Variants in PPP1R16B observed in about 807,000 individuals in gnomAD.
PPP1R16B encodes the protein protein phosphatase 1 regulatory inhibitor subunit 16B.
Under a neutral mutation model 61.7 loss-of-function variants are expected in PPP1R16B, and 14 were observed. The ratio of observed to expected loss-of-function variants is 0.23; its 90% CI spans 0.15 to 0.35. The LOEUF (loss-of-function observed/expected upper bound fraction) is 0.35, where lower values mean the gene tolerates loss of function less well. Among genes scored for constraint, PPP1R16B ranks in the 10% least tolerant of loss-of-function variants. The pLI, the probability that PPP1R16B is intolerant of heterozygous loss-of-function variation, is 1.00. For missense variants in PPP1R16B, 547 were observed against 752.5 expected, an observed-to-expected ratio of 0.73 and a Z score of 3.19; for synonymous variants, 266 against 305.3, an observed-to-expected ratio of 0.87 and a Z score of 1.34.
chr20:38,881,050 C>A (rs185066262), intron 2 of PPP1R16B, among the ~76,000 whole-genome samples: 1 of 152,262 alleles, frequency 6.6e-6, no homozygotes, highest in Non-Finnish European at 1.5e-5. Flanking sequence ...GCTCCTGGGA[C>A]CTGAGGCTTG....
chr20:38,821,641 C>T (rs971219064), intron 1 of PPP1R16B, among the ~76,000 whole-genome samples: 1 of 152,156 alleles, frequency 6.6e-6, no homozygotes, highest in East Asian at 1.9e-4. Flanking sequence ...AGAGACACCA[C>T]CCAAAGAGGT....
Position 38,902,827 on chromosome 20 carries a change from G to A in PPP1R16B, c.696+35G>A, listed in dbSNP as rs780168958. The A allele has an allele frequency of 1.9e-6, 3 of 1,613,372 alleles. No homozygotes were observed. In the Admixed American group the frequency reaches 5.0e-5, roughly 27 times the overall value. The stretch of plus-strand genomic sequence containing the variant: ...TGGGCCAGTACCAAAACCAAGACCA[G>A]CTAGGTCCGAAGTGGGCCAGCACCT... On this transcript the variant is annotated intron_variant, in intron 6 of 10. Coordinates refer to ENST00000299824, the MANE Select transcript of PPP1R16B (RefSeq NM_015568.4).
chr20:38,827,453 C>A (rs1000029773), intron 1 of PPP1R16B, among the ~76,000 whole-genome samples: 1 of 152,230 alleles, frequency 6.6e-6, no homozygotes, highest in Non-Finnish European at 1.5e-5. Flanking sequence ...GCCTCCCCAA[C>A]ACACACAAAG....
chr20:38,869,098 T>G (rs1406444399), intron 2 of PPP1R16B, among the ~76,000 whole-genome samples: 1 of 152,154 alleles, frequency 6.6e-6, no homozygotes, highest in Non-Finnish European at 1.5e-5. Context: ...TAAAGGCTAT[T>G]TTTTTCCTTT....
In PPP1R16B at chr20:38,906,047, G is replaced by A; in HGVS notation, c.775G>A (p.Asp259Asn). ...LDHGVRVDVKDWDGWEPLHAA... is the reference protein window; with the variant it reads ...LDHGVRVDVKNWDGWEPLHAA... ...CCATGGAGTGCGTGTGGATGTGAAGGACTGGGATGGCTGGGAGCCCCTGCA... is the reference window on the plus strand; with the variant it reads ...CCATGGAGTGCGTGTGGATGTGAAGAACTGGGATGGCTGGGAGCCCCTGCA... Residue 259 changes from aspartate to asparagine, a missense_variant, in exon 7 of 11, where the codon GAC becomes AAC. Transcript: ENST00000299824. 1 of 1,613,712 alleles carries A rather than the reference G, an allele frequency of 6.2e-7. No homozygotes were observed. The highest frequency in any genetic ancestry group is 8.5e-7 in the Non-Finnish European group (1 of 1,179,936).
Position 38,921,922 on chromosome 20 carries a change from CCAGG to C in PPP1R16B, c.*3259_*3262del, listed in dbSNP as rs1280545770. On this transcript the variant is annotated 3_prime_UTR_variant, in exon 11 of 11. Transcript: ENST00000299824. ...GGGTGGATTCGGGAGCTGGGAGTAACCAGGCAAAGTCAACCAGATGCCTAGCTCC... is the reference window on the plus strand; with the variant it reads ...GGGTGGATTCGGGAGCTGGGAGTAACCAAAGTCAACCAGATGCCTAGCTCC... 1 of 152,176 alleles carries C rather than the reference CCAGG, an allele frequency of 6.6e-6. No homozygotes were observed. Among genetic ancestry groups the C allele is most frequent in the African/African-American group, 2.4e-5 (1 of 41,436 alleles). 9.4% of individuals were successfully genotyped at this position (152,176 alleles called of 1,614,324 possible).
chr20:38,836,084 G>C lies in PPP1R16B; in HGVS notation c.159G>C (p.Arg53=). Residue 53 remains arginine (R), a synonymous_variant, in exon 2 of 11, where the codon CGG becomes CGC. Transcript: ENST00000299824. ...AGCACCGCAAGCGAAAGCATGAGCG[G>C]AAGCGCAGCACGGGCGGCCGCCGCA... ...DLQHRKRKHE[R]KRSTGGRRKK... 6.2e-7 allele frequency: 1 copy of C among 1,611,908 alleles called. No homozygotes were observed. The highest frequency in any genetic ancestry group is 1.7e-4 in the Middle Eastern group (1 of 6,052).
At chr20:38,905,551 T>C (rs2085433175) in intron 6 of PPP1R16B, among the ~76,000 whole-genome samples, 1 of 152,190 alleles carries the variant, frequency 6.6e-6, no homozygotes, top group Non-Finnish European at 1.5e-5. Flanking sequence ...AATATCCTAC[T>C]TGTTAGAAGT....
At position 38,806,415 on chromosome 20, in the gene PPP1R16B, C is replaced by T. The variant is rs575133382; in HGVS notation, c.-102+623C>T. ...CGGGGAGACCCCGCGAGTGGTAGTT[C>T]CCCGGGAGGGGCGCGCCCGGCCTCT... On this transcript the variant is annotated intron_variant, in intron 1 of 10. Coordinates refer to ENST00000299824, the MANE Select transcript of PPP1R16B (RefSeq NM_015568.4). This position sits in a 1 kb window ranked among gnomAD's most constrained non-coding sequence, Gnocchi z 4.5. Among the ~76,000 whole-genome samples the T allele has an allele frequency of 6.6e-6, 1 of 152,048 alleles. No individual in the cohort carries two copies. Among genetic ancestry groups the T allele is most frequent in the Admixed American group, 6.5e-5 (1 of 15,282 alleles).
intron 2 of PPP1R16B, among the ~76,000 whole-genome samples, chr20:38,859,252 C>A (rs2085030120): frequency 6.6e-6 from 1 of 151,930 alleles, no homozygotes; most frequent in Non-Finnish European, 1.5e-5. Flanking sequence ...CTTACTTCAG[C>A]CTGTGGGTGG....
At chr20:38,864,381 T>G (rs2085076437) in intron 2 of PPP1R16B, among the ~76,000 whole-genome samples, 1 of 152,182 alleles carries the variant, frequency 6.6e-6, no homozygotes, top group African/African-American at 2.4e-5. Flanking sequence ...AAATGAAAAG[T>G]CAGGGAGAGG....
intron 2 of PPP1R16B, among the ~76,000 whole-genome samples, chr20:38,850,245 G>T (rs941095661): frequency 6.6e-6 from 1 of 152,148 alleles, no homozygotes; most frequent in African/African-American, 2.4e-5. Flanking sequence ...GGCTAGATAA[G>T]GGAAGCAATG....
At chr20:38,913,484 A>T (rs2085508399) in intron 10 of PPP1R16B, among the ~76,000 whole-genome samples, 1 of 151,868 alleles carries the variant, frequency 6.6e-6, no homozygotes, top group South Asian at 2.1e-4. Flanking sequence ...GATGGTCTCA[A>T]TCCCTTGACC....
rs1007737105 is a variant in PPP1R16B, at chr20:38,907,871, A to C, written c.964A>C (p.Met322Leu). Residue 322 changes from methionine (M) to leucine (L), a missense_variant, in exon 9 of 11, where the codon ATG becomes CTG. Met to Leu is a conservative substitution (Grantham distance 15). Transcript: ENST00000299824. This position sits in a 1 kb window ranked among gnomAD's most constrained non-coding sequence, Gnocchi z 4.5. Reference sequence around the variant, plus strand: ...GCTAAAACACAAGCATGATGTGATCATGAAGTCACAGCTGAGGCACAAGTC... The same window carrying C: ...GCTAAAACACAAGCATGATGTGATCCTGAAGTCACAGCTGAGGCACAAGTC... ...LELKHKHDVIMKSQLRHKSSL... is the reference protein window; with the variant it reads ...LELKHKHDVILKSQLRHKSSL... 3 of 1,614,104 alleles carry C rather than the reference A, an allele frequency of 1.9e-6. No individual in the cohort carries two copies. Among genetic ancestry groups the C allele is most frequent in the Non-Finnish European group, 2.5e-6 (3 of 1,180,052 alleles).
chr20:38,878,797 A>G (rs539894941), intron 2 of PPP1R16B, among the ~76,000 whole-genome samples: 2 of 152,284 alleles, frequency 1.3e-5, no homozygotes, highest in South Asian at 4.1e-4. Flanking sequence ...TGTATCTCCT[A>G]CCTGCAGGGC....
chr20:38,903,911 G>T (rs527489815), intron 6 of PPP1R16B, among the ~76,000 whole-genome samples: 1 of 152,164 alleles, frequency 6.6e-6, no homozygotes, highest in South Asian at 2.1e-4. Flanking sequence ...CCACTGACTG[G>T]GGGGTGGGTG....
intron 10 of PPP1R16B, among the ~76,000 whole-genome samples, chr20:38,910,769 G>T (rs1277625181): frequency 6.6e-6 from 1 of 152,100 alleles, no homozygotes; most frequent in Non-Finnish European, 1.5e-5. Flanking sequence ...AGGCCGAGGT[G>T]GGTGGATCAC....
In PPP1R16B at chr20:38,895,631, A is replaced by C. The variant is rs1302767587; in HGVS notation, c.388A>C (p.Lys130Gln). Reference sequence around the variant, plus strand: ...CTCCCATGGTGCCAATGTGAACGCCAAGGACAACGAGCTGTGGACACCTCT... The same window carrying C: ...CTCCCATGGTGCCAATGTGAACGCCCAGGACAACGAGCTGTGGACACCTCT... ...LLSHGANVNA[K>Q]DNELWTPLHA... The change falls in exon 4 of 11, where the codon AAG becomes CAG. Residue 130 changes from lysine (K) to glutamine (Q), a missense_variant. Lys to Gln is a moderately conservative substitution (Grantham distance 53). Coordinates refer to ENST00000299824, the MANE Select transcript of PPP1R16B (RefSeq NM_015568.4). 1.9e-6 allele frequency: 3 copies of C among 1,613,990 alleles called. No homozygotes were observed. The highest frequency in any genetic ancestry group is 2.5e-6 in the Non-Finnish European group (3 of 1,179,890).
chr20:38,841,757 C>G (rs143488356), intron 2 of PPP1R16B, among the ~76,000 whole-genome samples: 1 of 152,326 alleles, frequency 6.6e-6, no homozygotes, highest in East Asian at 1.9e-4. Flanking sequence ...CATCATATAT[C>G]AGGGCTTCAT....
Sources: allele counts gnomAD v4.1 joint callset (sites outside exome capture counted in the v4.1 genomes callset), GRCh38; gene constraint gnomAD v4.1.1; non-coding constraint Gnocchi (gnomAD v3.1); transcripts MANE v1.5; gene names NCBI Gene and HGNC (gene_info 2026-07-23, HGNC 2026-07-21).